ARID1B: variants seen among roughly 807,000 people sequenced by gnomAD.
ARID1B encodes AT-rich interaction domain 1B, also known as AT-rich interactive domain-containing protein 1B.
In ARID1B, 30 loss-of-function variants were observed where a neutral mutation model predicts 212.3. The ratio of observed to expected loss-of-function variants is 0.14; its 90% CI spans 0.11 to 0.19. The LOEUF is 0.19. Ranked by LOEUF, ARID1B falls within the 10% of genes least tolerant of loss-of-function variation. The probability of loss-of-function intolerance (pLI) is 1.00; values close to 1 mark genes in which losing one functional copy is unlikely to be tolerated. For synonymous variants in ARID1B, 1,402 were observed against 1,301.7 expected (o/e 1.08, Z -1.66); for missense variants, 2,891 against 3,204.0 (o/e 0.90, Z 2.36).
intron 4 of ARID1B, among the ~76,000 whole-genome samples, chr6:157,021,931 C>G (rs1205694955): frequency 6.6e-6 from 1 of 152,228 alleles, no homozygotes; most frequent in Non-Finnish European, 1.5e-5. Context: ...TCCCGCGTGG[C>G]GCGCCCAGCG....
intron 3 of ARID1B, among the ~76,000 whole-genome samples, chr6:156,913,943 A>C (rs758244122): frequency 7.1e-6 from 1 of 140,432 alleles, no homozygotes; most frequent in Non-Finnish European, 1.5e-5. Flanking sequence ...CCACTCCCCA[A>C]CGACCAGCCC....
At chr6:156,976,306 A>G (rs1238286541) in intron 4 of ARID1B, 2 of 162,444 alleles carry the variant, frequency 1.2e-5, no homozygotes, top group Admixed American at 6.4e-5. Flanking sequence ...TGACATTCTC[A>G]AGAGCATCAA....
intron 5 of ARID1B, among the ~76,000 whole-genome samples, chr6:157,088,382 T>A (rs1785080054): frequency 6.6e-6 from 1 of 152,230 alleles, no homozygotes; most frequent in Non-Finnish European, 1.5e-5. Context: ...TAACAGTTCA[T>A]CCAACATTTT....
At chr6:157,184,085 A>T in intron 12 of ARID1B, 146 bp from the exon 13 acceptor site, 1 of 693,750 alleles carries the variant, frequency 1.4e-6, no homozygotes, top group Non-Finnish European at 2.4e-6. Context: ...AATGCTGCCT[A>T]TGCACTGCTG....
intron 4 of ARID1B, among the ~76,000 whole-genome samples, chr6:157,004,232 T>C (rs1216094593): frequency 1.3e-5 from 2 of 152,158 alleles, no homozygotes; most frequent in Non-Finnish European, 2.9e-5. Context: ...AGCTACTGAT[T>C]AACATTAGGG....
Position 157,207,901 on chromosome 6 carries a change from G to A in ARID1B, c.*10G>A. ...GATTGGGCAGTTATGACATAAGTGA[G>A]AAGGCAAGCATGTGTGAGTGAAGAT... On this transcript the variant is annotated 3_prime_UTR_variant, in exon 20 of 20. Coordinates refer to ENST00000636930, the MANE Select transcript of ARID1B (RefSeq NM_001374828.1). This position sits in a 1 kb window ranked among gnomAD's most constrained non-coding sequence, Gnocchi z 8.5. The A allele has an allele frequency of 1.4e-6, 2 of 1,478,980 alleles. No individual in the cohort carries two copies. The highest frequency in any genetic ancestry group is 1.8e-6 in the Non-Finnish European group (2 of 1,111,494). The allele number at this position is 1,478,980 out of a possible 1,614,324, so 91.6% of individuals were successfully genotyped here.
At chr6:157,157,533 G>A (rs955941099) in intron 8 of ARID1B, among the ~76,000 whole-genome samples, 1 of 152,188 alleles carries the variant, frequency 6.6e-6, no homozygotes, top group Non-Finnish European at 1.5e-5. Flanking sequence ...AAGGCAGCAG[G>A]AAGTTTGTAA....
chr6:157,120,967 A>G (rs989029706), intron 6 of ARID1B, among the ~76,000 whole-genome samples: 6 of 152,146 alleles, frequency 3.9e-5, no homozygotes, highest in African/African-American at 1.4e-4. Context: ...TTTCTCTTTC[A>G]TGGGTAGGAT....
chr6:157,119,403 C>G (rs893473527), intron 6 of ARID1B, among the ~76,000 whole-genome samples: 1 of 152,206 alleles, frequency 6.6e-6, no homozygotes, highest in Non-Finnish European at 1.5e-5. Flanking sequence ...CTGTCCTTAT[C>G]CAGCCCCGGC....
At chr6:157,138,304 T>C (rs1789081827) in intron 7 of ARID1B, among the ~76,000 whole-genome samples, 1 of 152,128 alleles carries the variant, frequency 6.6e-6, no homozygotes, top group South Asian at 2.1e-4. Flanking sequence ...GATGCAACCT[T>C]GACTCACTGC....
At chr6:157,167,820 CTG>C (rs1420129512) in intron 9 of ARID1B, 1 of 152,358 alleles carries the variant, frequency 6.6e-6, no homozygotes, top group Non-Finnish European at 1.5e-5. Context: ...GTGTCTGAGA[CTG>C]TGCATATCTC....
intron 3 of ARID1B, among the ~76,000 whole-genome samples, chr6:156,927,425 C>T (rs1791311295): frequency 6.6e-6 from 1 of 152,150 alleles, no homozygotes; most frequent in Non-Finnish European, 1.5e-5. Flanking sequence ...GTTTGATCTG[C>T]AGGTTTTGTC....
intron 4 of ARID1B, among the ~76,000 whole-genome samples, chr6:157,080,182 A>G (rs955438123): frequency 1.3e-5 from 2 of 152,176 alleles, no homozygotes; most frequent in African/African-American, 4.8e-5. Context: ...GCTTTCTATG[A>G]GCGGCTGATC....
chr6:157,145,602 A>G (rs1480332616), intron 7 of ARID1B, among the ~76,000 whole-genome samples: 1 of 152,226 alleles, frequency 6.6e-6, no homozygotes, highest in Non-Finnish European at 1.5e-5. Context: ...TGTAGGTGAT[A>G]GAACTTTATA....
intron 4 of ARID1B, among the ~76,000 whole-genome samples, chr6:156,970,142 A>G (rs1776821354): frequency 1.3e-5 from 2 of 152,012 alleles, no homozygotes; most frequent in African/African-American, 4.8e-5. Context: ...GTGCAATGGC[A>G]TGATCTTGGC....
intron 2 of ARID1B, among the ~76,000 whole-genome samples, chr6:156,857,630 G>C (rs1785040371): frequency 6.6e-6 from 1 of 152,224 alleles, no homozygotes; most frequent in Non-Finnish European, 1.5e-5. Context: ...TTTCAGTTTG[G>C]CTTAAGGAAA....
At chr6:156,823,144 G>T (rs1782480140) in intron 1 of ARID1B, among the ~76,000 whole-genome samples, 1 of 152,066 alleles carries the variant, frequency 6.6e-6, no homozygotes, top group Non-Finnish European at 1.5e-5. Context: ...CTCTATGCCC[G>T]TGTGTAGTCC....
At chr6:156,842,331 GT>G (rs1410390160) in intron 2 of ARID1B, among the ~76,000 whole-genome samples, 7 of 152,240 alleles carry the variant, frequency 4.6e-5, no homozygotes, top group Non-Finnish European at 1.0e-4. Context: ...GGATTTACCT[GT>G]TTTTGATGCT....
intron 4 of ARID1B, chr6:156,940,878 C>T (rs994601761): frequency 1.3e-5 from 2 of 152,118 alleles, no homozygotes; most frequent in Admixed American, 1.3e-4. Flanking sequence ...TTGCTAAGAC[C>T]ATCTGAACCT....
Sources: gnomAD v4.1 joint callset for allele counts (sites outside exome capture counted in the v4.1 genomes callset) on GRCh38, gnomAD v4.1.1 for gene constraint, Gnocchi (gnomAD v3.1) non-coding constraint, MANE v1.5 for transcripts, NCBI Gene and HGNC (gene_info 2026-07-23, HGNC 2026-07-21) for gene names.